The following KCNH7 variants were observed in gnomAD, a reference collection of about 807,000 sequenced individuals.
KCNH7 encodes voltage-gated inwardly rectifying potassium channel KCNH7.
Under a neutral mutation model 120.8 loss-of-function variants are expected in KCNH7, and 49 were observed. The ratio of observed to expected loss-of-function variants is 0.41; its 90% CI spans 0.32 to 0.51. The LOEUF (loss-of-function observed/expected upper bound fraction) is 0.51. KCNH7 is among the 20% of genes least tolerant of loss of function. The probability of loss-of-function intolerance (pLI) is 0.38; values close to 1 mark genes in which losing one functional copy is unlikely to be tolerated. For synonymous variants in KCNH7, 547 were observed against 516.1 expected (o/e 1.06, Z -0.81); for missense variants, 1,097 against 1,446.6 (o/e 0.76, Z 3.92).
intron 2 of KCNH7, among the ~76,000 whole-genome samples, chr2:162,831,444 T>G (rs1431098812): frequency 6.6e-6 from 1 of 152,156 alleles, no homozygotes; most frequent in Non-Finnish European, 1.5e-5. Context: ...ATGTAAAGAT[T>G]GAAAGGATTT....
intron 2 of KCNH7, among the ~76,000 whole-genome samples, chr2:162,701,881 C>T (rs1686515886): frequency 1.3e-5 from 2 of 151,916 alleles, no homozygotes; most frequent in South Asian, 4.2e-4. Context: ...GTGGTACATG[C>T]CTGTAGTCCC....
chr2:162,667,699 C>A (rs1009480305), intron 2 of KCNH7, among the ~76,000 whole-genome samples: 1 of 152,120 alleles, frequency 6.6e-6, no homozygotes, highest in Non-Finnish European at 1.5e-5. Context: ...GGTTCCAATT[C>A]CTAGATAAAT....
intron 2 of KCNH7, among the ~76,000 whole-genome samples, chr2:162,694,579 T>G (rs1686223757): frequency 6.6e-6 from 1 of 152,030 alleles, no homozygotes; most frequent in Admixed American, 6.6e-5. Context: ...TCACATTCTC[T>G]GGGAGTGAGG....
At chr2:162,491,945 C>T (rs1277640308) in intron 6 of KCNH7, among the ~76,000 whole-genome samples, 1 of 152,074 alleles carries the variant, frequency 6.6e-6, no homozygotes, top group African/African-American at 2.4e-5. Context: ...GTGTCCTGTA[C>T]TACAGGACAC....
Position 162,810,136 on chromosome 2 carries a change from G to C in KCNH7, c.307+26401C>G, listed in dbSNP as rs1410900042. Among the ~76,000 whole-genome samples, 5 of 22,328 alleles carry C rather than the reference G, an allele frequency of 2.2e-4. 2 individuals are homozygous for C. Among genetic ancestry groups the C allele is most frequent in the Non-Finnish European group, 6.2e-4 (5 of 8,032 alleles). 14.6% of individuals were successfully genotyped at this position (22,328 alleles called of 152,430 possible). A position where few individuals can be genotyped will look rare whatever the true frequency, so the allele number is the denominator to read the frequency against. On this transcript the variant is annotated intron_variant, in intron 2 of 15. Coordinates refer to ENST00000332142, the MANE Select transcript of KCNH7 (RefSeq NM_033272.4). ...TTCACCATGTTAGCCAGGATGGTCT[G>C]GATCTCCTGACCTCGTGATCCGCCC... is the stretch of plus-strand genomic sequence containing the variant.
intron 2 of KCNH7, among the ~76,000 whole-genome samples, chr2:162,733,783 T>G (rs775483460): frequency 6.6e-6 from 1 of 152,358 alleles, no homozygotes; most frequent in East Asian, 1.9e-4. Context: ...AACCTGATTT[T>G]TTTTTAAGAA....
At chr2:162,426,912 G>T (rs1350904432) in intron 8 of KCNH7, among the ~76,000 whole-genome samples, 1 of 151,836 alleles carries the variant, frequency 6.6e-6, no homozygotes, top group Non-Finnish European at 1.5e-5. Context: ...GCTCCTTTAT[G>T]TCATTACAGA....
chr2:162,650,530 T>C (rs1684528467), intron 2 of KCNH7, among the ~76,000 whole-genome samples: 1 of 152,172 alleles, frequency 6.6e-6, no homozygotes, highest in Admixed American at 6.6e-5. Context: ...AAATTTTCCT[T>C]TCCTCTTCAT....
chr2:162,486,186 C>T (rs527905876), intron 6 of KCNH7, among the ~76,000 whole-genome samples: 1 of 152,190 alleles, frequency 6.6e-6, no homozygotes, highest in East Asian at 1.9e-4. Context: ...CACCATAGGC[C>T]ACTTCACCTC....
chr2:162,683,732 C>T (rs955935545), intron 2 of KCNH7, among the ~76,000 whole-genome samples: 9 of 151,638 alleles, frequency 5.9e-5, no homozygotes, highest in Admixed American at 5.9e-4. Context: ...GAAAATTATT[C>T]CACAATACAA....
At chr2:162,815,983 G>T (rs1215147322) in intron 2 of KCNH7, among the ~76,000 whole-genome samples, 1 of 151,900 alleles carries the variant, frequency 6.6e-6, no homozygotes, top group East Asian at 1.9e-4. Context: ...TTACGGCAGG[G>T]TGCAGTGGCC....
chr2:162,581,051 T>C (rs1277046145), intron 2 of KCNH7, among the ~76,000 whole-genome samples: 1 of 152,026 alleles, frequency 6.6e-6, no homozygotes, highest in Non-Finnish European at 1.5e-5. Context: ...AGAGAGGCTA[T>C]ACAGCAACAC....
At chr2:162,637,615 A>G (rs1467589882) in intron 2 of KCNH7, among the ~76,000 whole-genome samples, 3 of 152,136 alleles carry the variant, frequency 2.0e-5, no homozygotes, top group African/African-American at 7.2e-5. Flanking sequence ...CAATAAAACA[A>G]GTATATGAGG....
intron 2 of KCNH7, among the ~76,000 whole-genome samples, chr2:162,792,229 AT>A (rs1279316119): frequency 6.6e-6 from 1 of 152,102 alleles, no homozygotes; most frequent in Non-Finnish European, 1.5e-5. Flanking sequence ...CATCAAGGAT[AT>A]TGGCCTGAAG....
At chr2:162,575,036 T>G (rs1232868401) in intron 2 of KCNH7, among the ~76,000 whole-genome samples, 1 of 152,094 alleles carries the variant, frequency 6.6e-6, no homozygotes, top group African/African-American at 2.4e-5. Context: ...CTTCAATGTT[T>G]CAGTAATTGT....
intron 2 of KCNH7, among the ~76,000 whole-genome samples, chr2:162,829,054 A>G (rs1264743151): frequency 6.6e-6 from 1 of 152,138 alleles, no homozygotes; most frequent in Non-Finnish European, 1.5e-5. Context: ...CATGTAAATT[A>G]AAGGAGGATG....
At chr2:162,805,892 T>A (rs1304243117) in intron 2 of KCNH7, among the ~76,000 whole-genome samples, 1 of 152,166 alleles carries the variant, frequency 6.6e-6, no homozygotes, top group Non-Finnish European at 1.5e-5. Context: ...CACAGAATAC[T>A]ACTCAGACAT....
At chr2:162,403,734 A>T (rs1408235052) in intron 9 of KCNH7, among the ~76,000 whole-genome samples, 1 of 151,996 alleles carries the variant, frequency 6.6e-6, no homozygotes, top group Non-Finnish European at 1.5e-5. Context: ...AGTCAGTCAC[A>T]TAGATCACTG....
chr2:162,495,411 A>C (rs1303213265), intron 6 of KCNH7, among the ~76,000 whole-genome samples: 1 of 152,140 alleles, frequency 6.6e-6, no homozygotes, highest in African/African-American at 2.4e-5. Context: ...GGTATTTCAG[A>C]GTACAAATCC....
Sources: allele counts gnomAD v4.1 joint callset (sites outside exome capture counted in the v4.1 genomes callset), GRCh38; gene constraint gnomAD v4.1.1; transcripts MANE v1.5; gene names NCBI Gene and HGNC (gene_info 2026-07-23, HGNC 2026-07-21).